AGBL4: variants seen among roughly 807,000 people sequenced by gnomAD.
AGBL4 encodes cytosolic carboxypeptidase 6.
In AGBL4, 58 loss-of-function variants were observed where a neutral mutation model predicts 66.4. That is an observed-to-expected ratio of 0.87 (90% CI 0.71 to 1.09). The LOEUF is 1.09. AGBL4 is among the 50% of genes least tolerant of loss of function. AGBL4 has a pLI of 0.00. For missense variants in AGBL4, 579 were observed against 631.0 expected, an observed-to-expected ratio of 0.92 and a Z score of 0.88; for synonymous variants, 234 against 222.9, an observed-to-expected ratio of 1.05 and a Z score of -0.44.
chr1:49,080,408 A>G (rs532936213), intron 4 of AGBL4, among the ~76,000 whole-genome samples: 1 of 152,194 alleles, frequency 6.6e-6, no homozygotes, highest in South Asian at 2.1e-4. Flanking sequence ...CTTTATATTA[A>G]TAGCAACTAT....
intron 6 of AGBL4, among the ~76,000 whole-genome samples, chr1:48,840,496 A>G (rs1423873454): frequency 1.3e-5 from 2 of 152,326 alleles, no homozygotes; most frequent in East Asian, 3.9e-4. Context: ...AAATGAATTT[A>G]TGTATTATTA....
At chr1:48,676,899 C>T (rs1646374363) in intron 6 of AGBL4, among the ~76,000 whole-genome samples, 1 of 152,096 alleles carries the variant, frequency 6.6e-6, no homozygotes, top group African/African-American at 2.4e-5. Context: ...AACTGTTCTT[C>T]TAATTTGCAT....
At chr1:49,167,210 A>G (rs913862016) in intron 4 of AGBL4, among the ~76,000 whole-genome samples, 1 of 152,220 alleles carries the variant, frequency 6.6e-6, no homozygotes, top group Non-Finnish European at 1.5e-5. Flanking sequence ...CTCAAGGCCA[A>G]TATGTTAAAC....
intron 3 of AGBL4, among the ~76,000 whole-genome samples, chr1:49,379,102 G>C (rs1317702183): frequency 6.6e-6 from 1 of 152,048 alleles, no homozygotes; most frequent in East Asian, 1.9e-4. Flanking sequence ...TAGTGTGGAA[G>C]CATCAGGGGG....
intron 6 of AGBL4, among the ~76,000 whole-genome samples, chr1:48,768,150 T>G (rs934327857): frequency 2.1e-5 from 3 of 144,878 alleles, no homozygotes; most frequent in African/African-American, 2.6e-5. Context: ...TTGCTGTAAC[T>G]TCCTCAAATG....
At chr1:49,138,363 C>T (rs1441221235) in intron 4 of AGBL4, among the ~76,000 whole-genome samples, 1 of 152,136 alleles carries the variant, frequency 6.6e-6, no homozygotes. Flanking sequence ...AATAGTACCA[C>T]AACAATCCAC....
At chr1:49,036,698 C>A (rs539555558) in intron 5 of AGBL4, among the ~76,000 whole-genome samples, 2 of 151,260 alleles carry the variant, frequency 1.3e-5, no homozygotes, top group African/African-American at 4.9e-5. Context: ...GCTGGGTCTA[C>A]AGGCACACAC....
chr1:49,941,954 C>T (rs1257363304), intron 1 of AGBL4, among the ~76,000 whole-genome samples: 1 of 151,940 alleles, frequency 6.6e-6, no homozygotes, highest in Non-Finnish European at 1.5e-5. Flanking sequence ...TGATCTTTTA[C>T]ATAGAAAACC....
intron 9 of AGBL4, among the ~76,000 whole-genome samples, chr1:48,599,377 G>T (rs187365812): frequency 6.6e-6 from 1 of 152,286 alleles, no homozygotes; most frequent in Non-Finnish European, 1.5e-5. Context: ...ACAGCAGGTT[G>T]GTTTACCCCA....
At chr1:48,624,970 C>T (rs185653784) in intron 9 of AGBL4, among the ~76,000 whole-genome samples, 5 of 151,598 alleles carry the variant, frequency 3.3e-5, no homozygotes, top group African/African-American at 7.3e-5. Flanking sequence ...GGCAATGGCG[C>T]GATCATAGCT....
intron 3 of AGBL4, among the ~76,000 whole-genome samples, chr1:49,559,728 G>C (rs747959677): frequency 2.0e-5 from 3 of 152,034 alleles, no homozygotes; most frequent in Non-Finnish European, 4.4e-5. Context: ...GTTTGCCAGG[G>C]GCTCTTAAGC....
intron 10 of AGBL4, among the ~76,000 whole-genome samples, chr1:48,590,234 G>A (rs1016969032): frequency 3.3e-5 from 5 of 151,946 alleles, no homozygotes; most frequent in South Asian, 2.1e-4. Flanking sequence ...GAGAAACCCC[G>A]TCTCTACTAA....
At chr1:49,740,813 C>T (rs369555818) in intron 2 of AGBL4, among the ~76,000 whole-genome samples, 19 of 152,228 alleles carry the variant, frequency 1.2e-4, no homozygotes, top group African/African-American at 2.4e-4. Context: ...GGGTACATAA[C>T]GAAATGAAGG....
chr1:49,799,319 G>C (rs1321899359), intron 2 of AGBL4, among the ~76,000 whole-genome samples: 1 of 152,024 alleles, frequency 6.6e-6, no homozygotes, highest in African/African-American at 2.4e-5. Context: ...CTCAGCTCTG[G>C]GAGATTTTCC....
intron 5 of AGBL4, among the ~76,000 whole-genome samples, chr1:48,962,576 T>C (rs1247842887): frequency 4.6e-5 from 7 of 152,286 alleles, no homozygotes; most frequent in African/African-American, 1.7e-4. Flanking sequence ...TAGCACACAG[T>C]TCTTTGGGAC....
chr1:48,660,476 G>A (rs781679264), intron 7 of AGBL4, among the ~76,000 whole-genome samples: 1 of 152,210 alleles, frequency 6.6e-6, no homozygotes, highest in Non-Finnish European at 1.5e-5. Context: ...GGCTGATGGG[G>A]GCTGAGGGAA....
At chr1:49,993,969 A>G (rs1356507688) in intron 1 of AGBL4, among the ~76,000 whole-genome samples, 1 of 152,154 alleles carries the variant, frequency 6.6e-6, no homozygotes, top group East Asian at 1.9e-4. Context: ...CTCCACTATC[A>G]CCATAAAACT....
intron 13 of AGBL4, 129 bp from the exon 14 acceptor site, chr1:48,534,422 C>T: frequency 7.7e-7 from 1 of 1,290,462 alleles, no homozygotes; most frequent in Non-Finnish European, 1.0e-6. Context: ...AGTCTTCTTC[C>T]CACAGACACT....
intron 4 of AGBL4, among the ~76,000 whole-genome samples, chr1:49,072,941 C>T (rs778479189): frequency 3.3e-5 from 5 of 152,120 alleles, no homozygotes; most frequent in Admixed American, 2.6e-4. Context: ...TTGTTCATTT[C>T]TTTTCACTCT....
Sources: gnomAD v4.1 joint callset for allele counts (sites outside exome capture counted in the v4.1 genomes callset) on GRCh38, gnomAD v4.1.1 for gene constraint, MANE v1.5 for transcripts, NCBI Gene and HGNC (gene_info 2026-07-23, HGNC 2026-07-21) for gene names.